The following EFCAB8 variants were observed in gnomAD, a reference collection of about 807,000 sequenced individuals.
The protein encoded by EFCAB8 is EF-hand calcium-binding domain-containing protein 8.
Under a neutral mutation model 116.3 loss-of-function variants are expected in EFCAB8, and 100 were observed. That is an observed-to-expected ratio of 0.86 (90% CI 0.73 to 1.02). The LOEUF (loss-of-function observed/expected upper bound fraction) is 1.02. Among genes scored for constraint, EFCAB8 ranks in the 50% least tolerant of loss-of-function variants. The probability of loss-of-function intolerance (pLI) is 0.00; values close to 1 mark genes in which losing one functional copy is unlikely to be tolerated. For synonymous variants in EFCAB8, 558 were observed against 567.9 expected (o/e 0.98, Z 0.25); for missense variants, 1,320 against 1,416.9 (o/e 0.93, Z 1.10).
At position 32,940,618 on chromosome 20, in the gene EFCAB8, C is replaced by T. The variant is rs925901276; in HGVS notation, c.2791-3018C>T. On this transcript the variant is annotated intron_variant, in intron 22 of 26. Coordinates refer to ENST00000400522, the MANE Select transcript of EFCAB8 (RefSeq NM_001143967.2). ...AAAACTTTTGGGCTGCAAAGGATACCGTCAAGAAAGTGAAAGGGTAACCTG... is the reference window on the plus strand; with the variant it reads ...AAAACTTTTGGGCTGCAAAGGATACTGTCAAGAAAGTGAAAGGGTAACCTG... 2.2e-4 allele frequency among the ~76,000 whole-genome samples: 33 copies of T among 149,576 alleles called. 3 individuals carry two copies. The highest frequency in any genetic ancestry group is 3.4e-4 in the Non-Finnish European group (23 of 67,386).
intron 3 of EFCAB8, among the ~76,000 whole-genome samples, chr20:32,872,039 T>C (rs985175017): frequency 3.3e-5 from 5 of 152,192 alleles, no homozygotes; most frequent in Admixed American, 3.3e-4. Flanking sequence ...TGGCTGTAAC[T>C]CCAGATAAAC....
chr20:32,918,544 C>T lies in EFCAB8; in HGVS notation c.2244C>T (p.Asp748=). Residue 748 remains aspartate (D), a synonymous_variant, in exon 19 of 27, where the codon GAC becomes GAT. Coordinates refer to ENST00000400522, the MANE Select transcript of EFCAB8 (RefSeq NM_001143967.2). ...CCCCAGTGATGCGGTGCCCGAGAGACAAGGAGCCAGACAGGCCTGTGCCCC... is the reference window on the plus strand; with the variant it reads ...CCCCAGTGATGCGGTGCCCGAGAGATAAGGAGCCAGACAGGCCTGTGCCCC... The part of the protein sequence containing the change: ...SAPPVMRCPR[D]KEPDRPVPQQ... The T allele has an allele frequency of 6.4e-7, 1 of 1,551,656 alleles. No individual in the cohort carries two copies. Among genetic ancestry groups the T allele is most frequent in the Non-Finnish European group, 8.7e-7 (1 of 1,146,990 alleles).
intron 3 of EFCAB8, 30 bp downstream of exon 3, chr20:32,867,777 T>A (rs1311049638): frequency 1.3e-6 from 2 of 1,546,188 alleles, no homozygotes; most frequent in Non-Finnish European, 8.7e-7. Context: ...TCGGTTTTTG[T>A]GTGAGTTCTG....
intron 5 of EFCAB8, among the ~76,000 whole-genome samples, chr20:32,880,780 A>G (rs1194899596): frequency 2.0e-5 from 3 of 152,162 alleles, no homozygotes; most frequent in Non-Finnish European, 2.9e-5. Flanking sequence ...GCCATAGGGA[A>G]GCTCTCAGAA....
chr20:32,915,753 C>T (rs1489305770), intron 17 of EFCAB8, among the ~76,000 whole-genome samples: 1 of 151,746 alleles, frequency 6.6e-6, no homozygotes, highest in Non-Finnish European at 1.5e-5. Context: ...CTCACTGCAG[C>T]CTCCGCGTCC....
chr20:32,915,056 C>T (rs1395314517), intron 17 of EFCAB8, among the ~76,000 whole-genome samples: 3 of 152,074 alleles, frequency 2.0e-5, no homozygotes, highest in East Asian at 1.9e-4. Flanking sequence ...TGCCACCATG[C>T]CTTGCTAATT....
rs545252757 is a variant in EFCAB8 at position 32,889,023 on chromosome 20, G to A, written c.568-278G>A. The stretch of plus-strand genomic sequence containing the variant: ...GGCTTGAGTGCAGTGGTGTGTTCAC[G>A]GCTCACTGCGGCAAGACTTTGATAG... On this transcript the variant is annotated intron_variant, in intron 6 of 26. Transcript: ENST00000400522. 1.4e-4 allele frequency among the ~76,000 whole-genome samples: 21 copies of A among 152,196 alleles called. No individual in the cohort carries two copies. In the East Asian group the frequency reaches 3.9e-3, roughly 28 times the overall value.
chr20:32,922,010 G>A (rs1487275770), intron 20 of EFCAB8, among the ~76,000 whole-genome samples: 1 of 151,876 alleles, frequency 6.6e-6, no homozygotes, highest in Non-Finnish European at 1.5e-5. Context: ...TTTATTTCTA[G>A]TAGAGTCGGG....
At chr20:32,924,302 G>A (rs111337378) in intron 20 of EFCAB8, among the ~76,000 whole-genome samples, 25 of 152,248 alleles carry the variant, frequency 1.6e-4, no homozygotes, top group Middle Eastern at 3.4e-3. Flanking sequence ...GGGCTCAAGC[G>A]ATCCTCCTGC....
Position 32,889,292 on chromosome 20 carries a change from T to C in EFCAB8, c.568-9T>C, listed in dbSNP as rs1985792621. The C allele has an allele frequency of 6.4e-7, 1 of 1,551,498 alleles. No individual in the cohort carries two copies. Among genetic ancestry groups the C allele is most frequent in the Non-Finnish European group, 8.7e-7 (1 of 1,146,928 alleles). ...CCCAGCCCATCTCCTCTGCTCTTCC[T>C]CTGGCCAGCTTAACCAGACCCAGCA... is the stretch of plus-strand genomic sequence containing the variant. On this transcript the variant is annotated splice_polypyrimidine_tract_variant and intron_variant, in intron 6 of 26. Transcript: ENST00000400522.
chr20:32,904,953 G>A (rs1399513220), intron 11 of EFCAB8, among the ~76,000 whole-genome samples: 1 of 152,180 alleles, frequency 6.6e-6, no homozygotes, highest in African/African-American at 2.4e-5. Flanking sequence ...GAGTGTAGTA[G>A]AAGGAGCTGG....
Position 32,937,972 on chromosome 20 carries a change from A to G in EFCAB8, c.2791-5664A>G, listed in dbSNP as rs6141852. 1.9e-4 allele frequency among the ~76,000 whole-genome samples: 28 copies of G among 150,318 alleles called. 2 individuals carry two copies. The East Asian group carries it at 5.1e-3, about 27-fold the overall frequency. ...TTCCAAAAGAGTTCTCTATGAGGCCAGTATTACCTTGATACCAAAACCAGA... is the reference window on the plus strand; with the variant it reads ...TTCCAAAAGAGTTCTCTATGAGGCCGGTATTACCTTGATACCAAAACCAGA... On this transcript the variant is annotated intron_variant, in intron 22 of 26. Transcript: ENST00000400522.
At chr20:32,903,641 G>A (rs1393504327) in intron 11 of EFCAB8, 30 of 152,228 alleles carry the variant, frequency 2.0e-4, no homozygotes, top group Admixed American at 2.0e-3. Flanking sequence ...GGAATATCTG[G>A]TTTGGCAATA....
At chr20:32,917,664 T>G (rs753472880) in intron 18 of EFCAB8, among the ~76,000 whole-genome samples, 159 bp downstream of exon 18, 8 of 152,132 alleles carry the variant, frequency 5.3e-5, no homozygotes, top group Non-Finnish European at 1.2e-4. Context: ...TGGTAGTTTC[T>G]GTAATTATCC....
At chr20:32,872,742 C>T (rs1020604156) in intron 3 of EFCAB8, among the ~76,000 whole-genome samples, 1 of 151,648 alleles carries the variant, frequency 6.6e-6, no homozygotes, top group African/African-American at 2.4e-5. Context: ...TGTAGTGAGC[C>T]AAGATCATGC....
At chr20:32,938,198 A>T (rs1988196298) in intron 22 of EFCAB8, among the ~76,000 whole-genome samples, 2 of 150,200 alleles carry the variant, frequency 1.3e-5, no homozygotes, top group South Asian at 2.1e-4. Context: ...TTAACTGAAT[A>T]AAAAACAAAA....
chr20:32,957,224 T>C (rs1486836480), intron 23 of EFCAB8, among the ~76,000 whole-genome samples: 2 of 152,202 alleles, frequency 1.3e-5, no homozygotes, highest in African/African-American at 2.4e-5. Flanking sequence ...AACTCCAATG[T>C]GAATCTTCTG....
At chr20:32,921,391 GTT>G (rs1491195883) in intron 20 of EFCAB8, among the ~76,000 whole-genome samples, 20 of 149,384 alleles carry the variant, frequency 1.3e-4, no homozygotes, top group African/African-American at 4.7e-4. Flanking sequence ...GTGTGTGTGT[GTT>G]TTTGTAGAGA....
chr20:32,904,455 C>T (rs546204522), intron 11 of EFCAB8, among the ~76,000 whole-genome samples: 2 of 131,760 alleles, frequency 1.5e-5, no homozygotes, highest in African/African-American at 5.8e-5. Flanking sequence ...TGCACCATCA[C>T]GCCCAGCTAA....
Sources: gnomAD v4.1 joint callset for allele counts (sites outside exome capture counted in the v4.1 genomes callset) on GRCh38, gnomAD v4.1.1 for gene constraint, MANE v1.5 for transcripts, NCBI Gene and HGNC (gene_info 2026-07-23, HGNC 2026-07-21) for gene names.